The following DNAAF4 variants were observed in gnomAD, a reference collection of about 807,000 sequenced individuals.
The protein encoded by DNAAF4 is dynein axonemal assembly factor 4.
Under a neutral mutation model 51.8 loss-of-function variants are expected in DNAAF4, and 43 were observed. The observed-to-expected ratio is 0.83, with a 90% CI of 0.65 to 1.07. The LOEUF (loss-of-function observed/expected upper bound fraction) is 1.07, where lower values mean the gene tolerates loss of function less well. Ranked by LOEUF, DNAAF4 falls within the 50% of genes least tolerant of loss-of-function variation. The pLI, the probability that DNAAF4 is intolerant of heterozygous loss-of-function variation, is 0.00. For missense variants in DNAAF4, 581 were observed against 493.0 expected (o/e 1.18, Z -1.69); for synonymous variants, 194 against 165.6 (o/e 1.17, Z -1.32).
At chr15:55,452,028 C>G (rs138180517) in intron 5 of DNAAF4, among the ~76,000 whole-genome samples, 1 of 151,770 alleles carries the variant, frequency 6.6e-6, no homozygotes, top group Non-Finnish European at 1.5e-5. Flanking sequence ...GGGTGGATCA[C>G]TTGAGGTCAG....
chr15:55,507,036 A>G (rs1019436491), intron 1 of DNAAF4, among the ~76,000 whole-genome samples: 7 of 152,126 alleles, frequency 4.6e-5, no homozygotes, highest in African/African-American at 1.7e-4. Flanking sequence ...TTTTTATTAG[A>G]GGTGGGGTTT....
intron 7 of DNAAF4, among the ~76,000 whole-genome samples, chr15:55,423,301 C>A (rs528397404): frequency 6.6e-6 from 1 of 152,008 alleles, no homozygotes; most frequent in East Asian, 1.9e-4. Flanking sequence ...TCGACTTCCC[C>A]GGCTCAAGCG....
intron 1 of DNAAF4, among the ~76,000 whole-genome samples, chr15:55,506,733 T>G (rs945347832): frequency 1.3e-5 from 2 of 152,114 alleles, no homozygotes; most frequent in African/African-American, 4.8e-5. Context: ...AAACAGAATA[T>G]TATACAACAA....
Position 55,439,519 on chromosome 15 carries a change from A to G in DNAAF4, c.846T>C (p.Asp282=). ...AMNTDIAELC[D]LKEEEKNPEW... is the part of the protein sequence containing the mutation. ...CTGGGTTCTTTTCTTCTTCTTTTAA[A>G]TCGCAAAGTTCAGCTATGTCAGTAT... is the stretch of plus-strand genomic sequence containing the variant. Residue 282 remains aspartate, a synonymous_variant, in exon 7 of 10, where the codon GAT becomes GAC. Coordinates refer to ENST00000321149, the MANE Select transcript of DNAAF4 (RefSeq NM_130810.4). The G allele has an allele frequency of 1.2e-6, 2 of 1,614,078 alleles. No homozygotes were observed. Among genetic ancestry groups the G allele is most frequent in the Non-Finnish European group, 1.7e-6 (2 of 1,179,992 alleles).
At chr15:55,443,061 C>T (rs1270307918) in intron 6 of DNAAF4, 1 of 1,610,954 alleles carries the variant, frequency 6.2e-7, no homozygotes, top group African/African-American at 1.3e-5. Context: ...CTTTCATAAG[C>T]TTTGGGTCAA....
intron 6 of DNAAF4, 23 bp from the exon 7 acceptor site, chr15:55,439,604 T>C (rs751495514): frequency 5.0e-6 from 8 of 1,594,192 alleles, no homozygotes; most frequent in African/African-American, 4.1e-5. Flanking sequence ...AGAAGTCTTA[T>C]GAAGAATAAA....
At chr15:55,430,002 C>G (rs1036290544), downstream of DNAAF4, among the ~76,000 whole-genome samples, 3 of 152,082 alleles carry the variant, frequency 2.0e-5, no homozygotes, top group African/African-American at 7.2e-5. Context: ...TGTCTTTTCT[C>G]CCCCTTGTCT....
At chr15:55,471,100 A>G (rs767729303) in intron 4 of DNAAF4, among the ~76,000 whole-genome samples, 7 of 151,850 alleles carry the variant, frequency 4.6e-5, no homozygotes, top group Non-Finnish European at 1.0e-4. Context: ...GGCTCAAGCG[A>G]TCCTCCCACC....
Position 55,498,286 on chromosome 15 carries a change from G to A in DNAAF4, c.44C>T (p.Thr15Ile), listed in dbSNP as rs2058667626. The A allele has an allele frequency of 6.2e-7, 1 of 1,613,464 alleles. No homozygotes were observed. Among genetic ancestry groups the A allele is most frequent in the Non-Finnish European group, 8.5e-7 (1 of 1,179,688 alleles). The change falls in exon 2 of 10, where the codon ACT becomes ATT. Residue 15 changes from threonine to isoleucine, a missense_variant. Physicochemically the swap from Thr to Ile is moderately conservative, Grantham distance 89. Transcript: ENST00000321149. The part of the protein sequence containing the change: ...VSDYSWQQTK[T>I]AVFLSLPLKG... ...GAGGGGCAGAGACAGAAAGACCGCA[G>A]TCTTCGTCTGCTGCCAGCTGTAATC...
intron 4 of DNAAF4, among the ~76,000 whole-genome samples, chr15:55,488,876 T>C (rs1050973740): frequency 6.6e-6 from 1 of 151,980 alleles, no homozygotes; most frequent in Non-Finnish European, 1.5e-5. Flanking sequence ...ATCACGAGGT[T>C]AGGAGAGCGA....
chr15:55,423,365 G>A (rs2057403790), intron 7 of DNAAF4, among the ~76,000 whole-genome samples: 2 of 151,886 alleles, frequency 1.3e-5, no homozygotes, highest in African/African-American at 2.4e-5. Context: ...GCACCACCAT[G>A]CCTGGCTAAC....
chr15:55,438,786 C>CAA (rs547749322), intron 7 of DNAAF4, among the ~76,000 whole-genome samples: 18 of 103,126 alleles, frequency 1.7e-4, no homozygotes, highest in African/African-American at 4.9e-4. Context: ...CACTATCTCA[C>CAA]AAAAAAAAAA....
downstream of DNAAF4, among the ~76,000 whole-genome samples, chr15:55,427,927 G>A (rs1473080677): frequency 2.7e-5 from 4 of 150,574 alleles, no homozygotes; most frequent in Middle Eastern, 3.6e-3. Context: ...GAGCCACCGC[G>A]CCTGGCCTCC....
chr15:55,469,474 CTTTTTTTTTT>C (rs1162485238), intron 4 of DNAAF4, among the ~76,000 whole-genome samples: 6 of 66,274 alleles, frequency 9.1e-5, no homozygotes, highest in African/African-American at 1.9e-4. Context: ...CTTACCAATT[CTTTTTTTTTT>C]TTTTTTTTTT....
chr15:55,505,157 A>G (rs1463164281), intron 1 of DNAAF4, among the ~76,000 whole-genome samples: 1 of 152,242 alleles, frequency 6.6e-6, no homozygotes, highest in Non-Finnish European at 1.5e-5. Context: ...TCCAACAGAC[A>G]TATGAAAAAA....
chr15:55,442,333 G>C (rs113019811), intron 6 of DNAAF4, among the ~76,000 whole-genome samples: 10,991 of 152,174 alleles, frequency 0.072, 468 homozygotes, highest in South Asian at 0.1. Flanking sequence ...TGTCCAGACT[G>C]ATCTTGAACT....
At chr15:55,480,986 T>C (rs1192422969) in intron 4 of DNAAF4, among the ~76,000 whole-genome samples, 1 of 152,080 alleles carries the variant, frequency 6.6e-6, no homozygotes. Flanking sequence ...TCTCACAAGA[T>C]CTAATGGTTT....
At chr15:55,452,931 T>C (rs2141467938) in intron 5 of DNAAF4, among the ~76,000 whole-genome samples, 2 of 152,296 alleles carry the variant, frequency 1.3e-5, no homozygotes, top group Middle Eastern at 6.8e-3. Context: ...GTTCAAGCGA[T>C]TCTCCTGCCT....
intron 4 of DNAAF4, among the ~76,000 whole-genome samples, chr15:55,471,240 G>C (rs912157441): frequency 3.9e-5 from 6 of 152,140 alleles, no homozygotes; most frequent in Admixed American, 2.0e-4. Flanking sequence ...ACTAGTCATA[G>C]CTTGGTCTTT....
Sources: gnomAD v4.1 joint callset for allele counts (sites outside exome capture counted in the v4.1 genomes callset) on GRCh38, gnomAD v4.1.1 for gene constraint, MANE v1.5 for transcripts, NCBI Gene and HGNC (gene_info 2026-07-23, HGNC 2026-07-21) for gene names.